Variants in C8orf34 observed in about 807,000 individuals in gnomAD.
C8orf34 encodes the protein uncharacterized protein C8orf34.
A neutral mutation model predicts 68.3 loss-of-function variants in C8orf34; 65 were observed. That is an observed-to-expected ratio of 0.95 (90% CI 0.78 to 1.17). The LOEUF (loss-of-function observed/expected upper bound fraction) is 1.17, where lower values mean the gene tolerates loss of function less well. Ranked by LOEUF, C8orf34 falls within the 50% of genes most tolerant of loss-of-function variation. C8orf34 has a pLI of 0.00. For missense variants in C8orf34, 664 were observed against 655.4 expected (o/e 1.01, Z -0.14); for synonymous variants, 244 against 241.2 (o/e 1.01, Z -0.11).
chr8:68,686,723 G>T (rs1349355771), intron 8 of C8orf34, among the ~76,000 whole-genome samples: 2 of 152,090 alleles, frequency 1.3e-5, no homozygotes, highest in African/African-American at 4.8e-5. Context: ...ACAAGACAAG[G>T]ATGTCCACTT....
intron 12 of C8orf34, among the ~76,000 whole-genome samples, chr8:68,812,448 C>A (rs1461208377): frequency 6.6e-6 from 1 of 152,036 alleles, no homozygotes; most frequent in Non-Finnish European, 1.5e-5. Context: ...AAAAACATAG[C>A]TTTTTCTTGT....
intron 8 of C8orf34, among the ~76,000 whole-genome samples, chr8:68,702,137 C>T (rs192503109): frequency 6.6e-6 from 1 of 152,050 alleles, no homozygotes; most frequent in South Asian, 2.1e-4. Flanking sequence ...AATGTAATCT[C>T]CATGAGAATG....
At chr8:68,614,783 G>A (rs1178968101) in intron 7 of C8orf34, among the ~76,000 whole-genome samples, 2 of 152,054 alleles carry the variant, frequency 1.3e-5, no homozygotes, top group Non-Finnish European at 2.9e-5. Flanking sequence ...CTCTTTTTTG[G>A]TTCCACATGA....
intron 9 of C8orf34, among the ~76,000 whole-genome samples, chr8:68,715,036 T>TATTCA (rs1361428966): frequency 6.6e-6 from 1 of 152,188 alleles, no homozygotes; most frequent in Non-Finnish European, 1.5e-5. Flanking sequence ...AGGGACACCC[T>TATTCA]ATTCAATAAA....
chr8:68,347,344 T>C (rs967289329), intron 1 of C8orf34, among the ~76,000 whole-genome samples: 1 of 152,124 alleles, frequency 6.6e-6, no homozygotes, highest in African/African-American at 2.4e-5. Flanking sequence ...CGTACTACAT[T>C]TTTTTAATCC....
chr8:68,423,522 A>G (rs1046721460), intron 1 of C8orf34, among the ~76,000 whole-genome samples: 9 of 152,086 alleles, frequency 5.9e-5, no homozygotes, highest in African/African-American at 1.9e-4. Context: ...ATTTTCCCAC[A>G]TCTTCCTATC....
chr8:68,349,675 G>T (rs1806428903), intron 1 of C8orf34, among the ~76,000 whole-genome samples: 1 of 152,038 alleles, frequency 6.6e-6, no homozygotes. Context: ...TCTGTTCAGG[G>T]AATCGATTTC....
chr8:68,734,999 C>A (rs1177965312), intron 10 of C8orf34, among the ~76,000 whole-genome samples: 1 of 152,178 alleles, frequency 6.6e-6, no homozygotes, highest in South Asian at 2.1e-4. Context: ...GCCTTACTTA[C>A]ATTAACTTAT....
At chr8:68,703,359 C>T (rs1026990947) in intron 8 of C8orf34, among the ~76,000 whole-genome samples, 2 of 152,130 alleles carry the variant, frequency 1.3e-5, no homozygotes, top group African/African-American at 4.8e-5. Flanking sequence ...AATCAAATCT[C>T]AGTCAGTTAT....
At chr8:68,748,876 C>T (rs111972075) in intron 10 of C8orf34, among the ~76,000 whole-genome samples, 1,744 of 152,312 alleles carry the variant, frequency 0.011, 11 homozygotes, top group Non-Finnish European at 0.018. Flanking sequence ...ACCCAGCCAT[C>T]CCATTACTGG....
intron 6 of C8orf34, among the ~76,000 whole-genome samples, chr8:68,530,392 T>C (rs1563511136): frequency 6.6e-6 from 1 of 152,100 alleles, no homozygotes; most frequent in Admixed American, 6.6e-5. Context: ...CAAAAGCGAA[T>C]GGGGCTAAAA....
intron 7 of C8orf34, among the ~76,000 whole-genome samples, chr8:68,586,752 A>G (rs1817221297): frequency 6.6e-6 from 1 of 152,122 alleles, no homozygotes; most frequent in South Asian, 2.1e-4. Flanking sequence ...ATTTTCTTCT[A>G]TTTGATGGCT....
intron 10 of C8orf34, among the ~76,000 whole-genome samples, chr8:68,745,262 G>A (rs4263745): frequency 0.72 from 108,936 of 151,858 alleles, 39,330 homozygotes; most frequent in African/African-American, 0.79. Flanking sequence ...AACAACTGGT[G>A]CCAGCCGCTG....
intron 1 of C8orf34, among the ~76,000 whole-genome samples, chr8:68,332,989 C>T (rs1009816550): frequency 6.6e-6 from 1 of 152,140 alleles, no homozygotes; most frequent in African/African-American, 2.4e-5. Flanking sequence ...TCGAAAGAAT[C>T]ATAAAATACA....
chr8:68,465,832 A>G (rs1196547026), intron 3 of C8orf34, among the ~76,000 whole-genome samples: 2 of 151,958 alleles, frequency 1.3e-5, no homozygotes, highest in African/African-American at 2.4e-5. Flanking sequence ...GGATAGCATT[A>G]GGAGATATAC....
chr8:68,432,842 C>A (rs545468897), intron 1 of C8orf34, among the ~76,000 whole-genome samples: 1 of 152,058 alleles, frequency 6.6e-6, no homozygotes, highest in South Asian at 2.1e-4. Flanking sequence ...TTACCAAAGC[C>A]AAAACTTGTA....
At chr8:68,526,287 A>C (rs1473794880) in intron 6 of C8orf34, among the ~76,000 whole-genome samples, 1 of 152,096 alleles carries the variant, frequency 6.6e-6, no homozygotes, top group Non-Finnish European at 1.5e-5. Context: ...AAGCCAAAAG[A>C]GCATGCATTT....
chr8:68,443,640 T>C (rs959136224), intron 2 of C8orf34, among the ~76,000 whole-genome samples: 3 of 151,936 alleles, frequency 2.0e-5, no homozygotes, highest in African/African-American at 7.3e-5. Flanking sequence ...TCTCTTGACC[T>C]CGTGATCTGC....
upstream of C8orf34, chr8:68,330,794 G>GACACAC (rs201054752): frequency 2.3e-6 from 1 of 440,150 alleles, no homozygotes; most frequent in East Asian, 3.9e-5. Flanking sequence ...CGCGCGCACG[G>GACACAC]ACACACACAC....
Sources: gnomAD v4.1 joint callset for allele counts (sites outside exome capture counted in the v4.1 genomes callset) on GRCh38, gnomAD v4.1.1 for gene constraint, MANE v1.5 for transcripts, NCBI Gene and HGNC (gene_info 2026-07-23, HGNC 2026-07-21) for gene names.